Variants in BCKDHB observed in about 807,000 individuals in gnomAD.
BCKDHB encodes the protein 2-oxoisovalerate dehydrogenase subunit beta, mitochondrial.
In BCKDHB, 41 loss-of-function variants were observed where a neutral mutation model predicts 48.5. The observed-to-expected ratio is 0.85, with a 90% CI of 0.66 to 1.10. The LOEUF (loss-of-function observed/expected upper bound fraction) is 1.10, where lower values mean the gene tolerates loss of function less well. BCKDHB is among the 50% of genes least tolerant of loss of function. BCKDHB has a pLI of 0.00. For missense variants in BCKDHB, 496 were observed against 494.2 expected (o/e 1.00, Z -0.03); for synonymous variants, 201 against 174.8 (o/e 1.15, Z -1.18).
chr6:80,140,317 C>T (rs552404553), intron 3 of BCKDHB, among the ~76,000 whole-genome samples: 18 of 152,294 alleles, frequency 1.2e-4, no homozygotes, highest in African/African-American at 4.1e-4. Context: ...CCTAATTGCC[C>T]TGGCCAGAAC....
At chr6:80,150,701 C>T (rs927291895) in intron 3 of BCKDHB, among the ~76,000 whole-genome samples, 10 of 151,818 alleles carry the variant, frequency 6.6e-5, no homozygotes, top group South Asian at 2.1e-4. Flanking sequence ...GGATTACAGG[C>T]GTGCACCACC....
chr6:80,342,760 G>C (rs903797451), intron 9 of BCKDHB, among the ~76,000 whole-genome samples: 4 of 152,034 alleles, frequency 2.6e-5, no homozygotes, highest in African/African-American at 7.2e-5. Flanking sequence ...CTGCACTTCA[G>C]CCTGGGCGAG....
intron 9 of BCKDHB, among the ~76,000 whole-genome samples, chr6:80,340,950 C>A (rs1769866468): frequency 6.6e-6 from 1 of 152,192 alleles, no homozygotes; most frequent in Non-Finnish European, 1.5e-5. Context: ...GTAAGTACAG[C>A]TGCTTAATTG....
chr6:80,462,025 G>C, the BCKDHB span, among the ~76,000 whole-genome samples: 2 of 151,786 alleles, frequency 1.3e-5, no homozygotes, highest in African/African-American at 4.8e-5. Flanking sequence ...AGCCCTTTCT[G>C]TTTATTTCAT....
chr6:80,281,309 A>C (rs567535152), intron 9 of BCKDHB, among the ~76,000 whole-genome samples: 1 of 152,270 alleles, frequency 6.6e-6, no homozygotes, highest in East Asian at 1.9e-4. Context: ...GGAAGTTATG[A>C]AGCAGAGTGA....
chr6:80,212,381 G>T (rs9359411), intron 8 of BCKDHB, among the ~76,000 whole-genome samples: 1 of 151,810 alleles, frequency 6.6e-6, no homozygotes, highest in Admixed American at 6.6e-5. Context: ...AGAATTTAGC[G>T]ATATCTCTCC....
the BCKDHB span, among the ~76,000 whole-genome samples, chr6:80,454,861 T>G: frequency 1.2e-4 from 19 of 152,208 alleles, no homozygotes; most frequent in Non-Finnish European, 1.2e-4. Flanking sequence ...AACTTGTCCT[T>G]CTTAATGACT....
the BCKDHB span, among the ~76,000 whole-genome samples, chr6:80,428,265 T>C: frequency 2.0e-5 from 3 of 152,182 alleles, no homozygotes; most frequent in Non-Finnish European, 4.4e-5. Flanking sequence ...CTTAATCCAG[T>C]CTATCACTGA....
chr6:80,388,270 G>A, the BCKDHB span, among the ~76,000 whole-genome samples: 13 of 152,178 alleles, frequency 8.5e-5, no homozygotes, highest in Non-Finnish European at 1.3e-4. Context: ...CCAGTGGATC[G>A]AATGATGTTT....
chr6:80,277,372 A>G (rs1324207140), intron 9 of BCKDHB, among the ~76,000 whole-genome samples: 1 of 152,050 alleles, frequency 6.6e-6, no homozygotes, highest in South Asian at 2.1e-4. Flanking sequence ...ATTAATTTAT[A>G]TATTCTAGAA....
chr6:80,175,971 A>G (rs1301417954), intron 6 of BCKDHB, among the ~76,000 whole-genome samples: 1 of 152,196 alleles, frequency 6.6e-6, no homozygotes, highest in African/African-American at 2.4e-5. Context: ...AGAACTTGCT[A>G]CAGTGGATTG....
At chr6:80,244,650 A>G (rs1415462418) in intron 8 of BCKDHB, among the ~76,000 whole-genome samples, 1 of 152,216 alleles carries the variant, frequency 6.6e-6, no homozygotes, top group Non-Finnish European at 1.5e-5. Flanking sequence ...ATGTCTTCTA[A>G]TAGCTCATGG....
chr6:80,264,614 T>C (rs1003752562), intron 8 of BCKDHB, among the ~76,000 whole-genome samples: 1 of 152,144 alleles, frequency 6.6e-6, no homozygotes, highest in African/African-American at 2.4e-5. Flanking sequence ...ATAAGCAGTC[T>C]GGCAGAGGAT....
chr6:80,245,873 C>T (rs928303150), intron 8 of BCKDHB, among the ~76,000 whole-genome samples: 3 of 152,032 alleles, frequency 2.0e-5, no homozygotes, highest in Non-Finnish European at 2.9e-5. Flanking sequence ...CTTAGGAATG[C>T]GAGACCAGCC....
intron 9 of BCKDHB, among the ~76,000 whole-genome samples, chr6:80,322,484 G>C (rs1049169787): frequency 6.6e-6 from 1 of 151,930 alleles, no homozygotes; most frequent in East Asian, 1.9e-4. Flanking sequence ...TGATCCACCC[G>C]CCTCGGCCTC....
At chr6:80,333,427 G>A (rs1229917703) in intron 9 of BCKDHB, among the ~76,000 whole-genome samples, 1 of 152,054 alleles carries the variant, frequency 6.6e-6, no homozygotes, top group African/African-American at 2.4e-5. Flanking sequence ...AAATAGCTGG[G>A]TTTTTTTGTT....
At chr6:80,450,357 A>G in the BCKDHB span, among the ~76,000 whole-genome samples, 11 of 152,230 alleles carry the variant, frequency 7.2e-5, no homozygotes, top group Non-Finnish European at 2.9e-5. Context: ...GAAACATTTA[A>G]TGGGGGTTTA....
At chr6:80,136,419 A>T (rs1562076860) in intron 3 of BCKDHB, among the ~76,000 whole-genome samples, 1 of 152,170 alleles carries the variant, frequency 6.6e-6, no homozygotes, top group Non-Finnish European at 1.5e-5. Flanking sequence ...CATGCAAAAG[A>T]ATGAATTTGG....
At chr6:80,394,315 A>AT in the BCKDHB span, among the ~76,000 whole-genome samples, 1 of 151,972 alleles carries the variant, frequency 6.6e-6, no homozygotes, top group African/African-American at 2.4e-5. Context: ...TTTTAAATTT[A>AT]TTTTATCAAA....
Sources: allele counts gnomAD v4.1 joint callset (sites outside exome capture counted in the v4.1 genomes callset), GRCh38; gene constraint gnomAD v4.1.1; transcripts MANE v1.5; gene names NCBI Gene and HGNC (gene_info 2026-07-23, HGNC 2026-07-21).